Variants in PACRG observed in about 807,000 individuals in gnomAD.
PACRG encodes parkin coregulated, also known as parkin coregulated gene protein.
A neutral mutation model predicts 29.7 loss-of-function variants in PACRG; 29 were observed. That is an observed-to-expected ratio of 0.98 (90% CI 0.73 to 1.33). The LOEUF is 1.33. Ranked by LOEUF, PACRG falls within the 40% of genes most tolerant of loss-of-function variation. PACRG has a pLI of 0.00. For missense variants in PACRG, 279 were observed against 316.2 expected (o/e 0.88, Z 0.89); for synonymous variants, 116 against 118.7 (o/e 0.98, Z 0.15).
intron 2 of PACRG, among the ~76,000 whole-genome samples, chr6:162,957,014 C>T (rs1333705470): frequency 6.6e-6 from 1 of 151,792 alleles, no homozygotes; most frequent in African/African-American, 2.4e-5. Flanking sequence ...AACACAAATA[C>T]TTACCTTTTT....
chr6:162,879,531 C>G (rs1793655536), intron 2 of PACRG, among the ~76,000 whole-genome samples: 1 of 152,196 alleles, frequency 6.6e-6, no homozygotes, highest in Non-Finnish European at 1.5e-5. Flanking sequence ...TTCATCTACA[C>G]TGATATAGAT....
intron 1 of PACRG, among the ~76,000 whole-genome samples, chr6:162,740,966 A>G (rs1272582984): frequency 2.0e-5 from 3 of 152,152 alleles, no homozygotes; most frequent in African/African-American, 7.2e-5. Context: ...ATTGAATTTT[A>G]TCAGACACTT....
At chr6:162,770,337 G>A (rs1241405936) in intron 1 of PACRG, among the ~76,000 whole-genome samples, 1 of 152,134 alleles carries the variant, frequency 6.6e-6, no homozygotes, top group African/African-American at 2.4e-5. Context: ...GCTCTTAGGT[G>A]CCTATCTGAC....
chr6:162,897,999 C>T (rs1211441826), intron 2 of PACRG, among the ~76,000 whole-genome samples: 4 of 152,192 alleles, frequency 2.6e-5, no homozygotes, highest in African/African-American at 4.8e-5. Context: ...GCTAGCTCCA[C>T]GTTCCCCTGT....
chr6:163,221,311 A>T (rs1781573523), intron 4 of PACRG, among the ~76,000 whole-genome samples: 1 of 152,212 alleles, frequency 6.6e-6, no homozygotes, highest in African/African-American at 2.4e-5. Flanking sequence ...TTAGAGTCTG[A>T]ATCTGGGTGT....
intron 2 of PACRG, among the ~76,000 whole-genome samples, chr6:162,974,299 G>A (rs1314689076): frequency 1.3e-5 from 2 of 152,068 alleles, no homozygotes; most frequent in Non-Finnish European, 2.9e-5. Flanking sequence ...ATTCCAAAAA[G>A]GAATATGCTT....
intron 4 of PACRG, among the ~76,000 whole-genome samples, chr6:163,313,340 G>T (rs1785512581): frequency 6.6e-6 from 1 of 151,512 alleles, no homozygotes; most frequent in Non-Finnish European, 1.5e-5. Flanking sequence ...TAATATATCT[G>T]CCTGCCTTCA....
At chr6:163,264,341 G>A (rs1783447237) in intron 4 of PACRG, among the ~76,000 whole-genome samples, 1 of 152,156 alleles carries the variant, frequency 6.6e-6, no homozygotes, top group Non-Finnish European at 1.5e-5. Flanking sequence ...GACCCCACCA[G>A]CCTCCCGAGC....
At chr6:163,201,574 C>T (rs1585327703) in intron 4 of PACRG, among the ~76,000 whole-genome samples, 1 of 152,286 alleles carries the variant, frequency 6.6e-6, no homozygotes, top group East Asian at 1.9e-4. Flanking sequence ...TCATCCACCT[C>T]CTGCCCCAGT....
At chr6:162,799,037 A>G (rs893445530) in intron 1 of PACRG, among the ~76,000 whole-genome samples, 3 of 152,196 alleles carry the variant, frequency 2.0e-5, no homozygotes, top group African/African-American at 7.2e-5. Context: ...GGATTGGTGA[A>G]TTGCGAGTGT....
At chr6:163,220,304 A>AT (rs1194925447) in intron 4 of PACRG, among the ~76,000 whole-genome samples, 5 of 152,088 alleles carry the variant, frequency 3.3e-5, no homozygotes, top group Non-Finnish European at 7.4e-5. Context: ...TTTTCCATAC[A>AT]TTGTCTAATT....
chr6:162,917,883 A>G (rs921053783), intron 2 of PACRG, among the ~76,000 whole-genome samples: 4 of 152,156 alleles, frequency 2.6e-5, no homozygotes, highest in African/African-American at 9.7e-5. Flanking sequence ...ATAGGCTTTC[A>G]CTCATGTCTA....
intron 1 of PACRG, among the ~76,000 whole-genome samples, chr6:162,747,741 A>G (rs1220991186): frequency 2.0e-5 from 3 of 151,872 alleles, no homozygotes; most frequent in African/African-American, 4.8e-5. Context: ...GTGATTTCAC[A>G]TAGACAATAA....
At chr6:163,047,550 A>G (rs1344111475) in intron 2 of PACRG, among the ~76,000 whole-genome samples, 1 of 152,202 alleles carries the variant, frequency 6.6e-6, no homozygotes, top group Non-Finnish European at 1.5e-5. Context: ...CCTGGATAAT[A>G]AAGGTTAAGT....
intron 4 of PACRG, among the ~76,000 whole-genome samples, chr6:163,291,327 C>T (rs1196061629): frequency 7.0e-6 from 1 of 142,472 alleles, no homozygotes; most frequent in African/African-American, 2.6e-5. Context: ...CCCGCCAGAG[C>T]TGGCCTGCGG....
intron 2 of PACRG, among the ~76,000 whole-genome samples, chr6:162,953,179 T>G (rs1351555124): frequency 6.6e-6 from 1 of 152,208 alleles, no homozygotes; most frequent in Non-Finnish European, 1.5e-5. Context: ...TAACCTATAT[T>G]TAATCAATCA....
chr6:163,288,005 C>G (rs910102928), intron 4 of PACRG, among the ~76,000 whole-genome samples: 2 of 152,158 alleles, frequency 1.3e-5, no homozygotes, highest in Non-Finnish European at 2.9e-5. Flanking sequence ...CGGGTTCTTG[C>G]TTTTCTTTTC....
intron 2 of PACRG, among the ~76,000 whole-genome samples, chr6:162,923,701 A>G: frequency 6.6e-6 from 1 of 151,882 alleles, no homozygotes; most frequent in East Asian, 1.9e-4. Flanking sequence ...CTCTATTATG[A>G]TGTTCCATTT....
At chr6:162,740,659 G>A (rs532993644) in intron 1 of PACRG, among the ~76,000 whole-genome samples, 3 of 149,368 alleles carry the variant, frequency 2.0e-5, no homozygotes, top group Non-Finnish European at 4.4e-5. Context: ...GAGTGCAGTG[G>A]CATAATCTCA....
Sources: gnomAD v4.1 joint callset for allele counts (sites outside exome capture counted in the v4.1 genomes callset) on GRCh38, gnomAD v4.1.1 for gene constraint, MANE v1.5 for transcripts, NCBI Gene and HGNC (gene_info 2026-07-23, HGNC 2026-07-21) for gene names.